CENPW: variants seen among roughly 807,000 people sequenced by gnomAD.
The protein encoded by CENPW is centromere protein W, also known as cancer-up-regulated gene 2 protein.
CENPW carries 3 observed loss-of-function variants against 11.1 expected under a neutral mutation model. The observed-to-expected ratio is 0.27, with a 90% CI of 0.12 to 0.70. The LOEUF is 0.70. Ranked by LOEUF, CENPW falls within the 30% of genes least tolerant of loss-of-function variation. The pLI is 0.77. For synonymous variants in CENPW, 38 were observed against 42.0 expected, an observed-to-expected ratio of 0.91 and a Z score of 0.37; for missense variants, 100 against 105.6, an observed-to-expected ratio of 0.95 and a Z score of 0.23.
chr6:126,430,350 T>A, the CENPW span, among the ~76,000 whole-genome samples: 4 of 152,232 alleles, frequency 2.6e-5, no homozygotes, highest in African/African-American at 4.8e-5. Flanking sequence ...AAAAGAATGA[T>A]TTGCCTTGAA....
At chr6:126,401,292 T>C in the CENPW span, among the ~76,000 whole-genome samples, 2 of 152,072 alleles carry the variant, frequency 1.3e-5, no homozygotes, top group Non-Finnish European at 2.9e-5. Context: ...CAGAGGGTTT[T>C]TCAATATCTG....
the CENPW span, among the ~76,000 whole-genome samples, chr6:126,385,458 A>C: frequency 3.3e-5 from 5 of 152,204 alleles, 1 homozygote; most frequent in East Asian, 3.9e-4. Flanking sequence ...TTTGAGAGAT[A>C]CTATTACTTT....
the CENPW span, among the ~76,000 whole-genome samples, chr6:126,358,904 A>G: frequency 6.6e-6 from 1 of 152,056 alleles, no homozygotes. Flanking sequence ...AAATTCTTCT[A>G]GATGTACAAT....
intron 1 of CENPW, among the ~76,000 whole-genome samples, chr6:126,342,675 A>T (rs1780336477): frequency 6.6e-6 from 1 of 152,108 alleles, no homozygotes; most frequent in Admixed American, 6.5e-5. Context: ...CTTAGAAAGG[A>T]TCAATCTTAT....
the CENPW span, among the ~76,000 whole-genome samples, chr6:126,448,712 A>G: frequency 6.6e-6 from 1 of 150,980 alleles, no homozygotes; most frequent in Non-Finnish European, 1.5e-5. Flanking sequence ...TGTCACTGGT[A>G]CTGTAATAGG....
the CENPW span, among the ~76,000 whole-genome samples, chr6:126,432,487 G>A: frequency 6.6e-6 from 1 of 151,940 alleles, no homozygotes; most frequent in African/African-American, 2.4e-5. Context: ...TTTTAAATTA[G>A]CTTTTTAATT....
the CENPW span, among the ~76,000 whole-genome samples, chr6:126,451,659 T>G: frequency 6.6e-6 from 1 of 151,096 alleles, no homozygotes; most frequent in Non-Finnish European, 1.5e-5. Context: ...AGTGGAGGCA[T>G]GACCTCCAAG....
chr6:126,370,392 A>G, the CENPW span, among the ~76,000 whole-genome samples: 1 of 152,172 alleles, frequency 6.6e-6, no homozygotes, highest in Non-Finnish European at 1.5e-5. Flanking sequence ...CTACCCATCC[A>G]TGAGCATGGA....
the CENPW span, among the ~76,000 whole-genome samples, chr6:126,441,624 G>A: frequency 4.0e-5 from 6 of 151,318 alleles, no homozygotes; most frequent in African/African-American, 1.5e-4. Flanking sequence ...TTTCCCCCAA[G>A]TTCCTAAAGT....
chr6:126,385,581 C>T, the CENPW span, among the ~76,000 whole-genome samples: 1 of 152,098 alleles, frequency 6.6e-6, no homozygotes, highest in Non-Finnish European at 1.5e-5. Flanking sequence ...ACCCAAATCT[C>T]ATCTTTAATT....
the CENPW span, among the ~76,000 whole-genome samples, chr6:126,357,649 C>T: frequency 2.0e-5 from 3 of 151,752 alleles, no homozygotes; most frequent in Non-Finnish European, 4.4e-5. Flanking sequence ...TGCTCTGTCG[C>T]CCAGCCTGTA....
chr6:126,345,844 A>C (rs1268853376), intron 1 of CENPW, among the ~76,000 whole-genome samples: 1 of 152,176 alleles, frequency 6.6e-6, no homozygotes, highest in African/African-American at 2.4e-5. Context: ...TTTGATTTAA[A>C]ATTTTCTGGA....
the CENPW span, among the ~76,000 whole-genome samples, chr6:126,412,522 G>A: frequency 6.6e-6 from 1 of 151,962 alleles, no homozygotes. Context: ...ATGTGCTTGG[G>A]TATGTATCAC....
the CENPW span, among the ~76,000 whole-genome samples, chr6:126,362,065 G>C: frequency 6.6e-6 from 1 of 152,146 alleles, no homozygotes; most frequent in Non-Finnish European, 1.5e-5. Flanking sequence ...ACACTTCTAT[G>C]GAGTGGGTCG....
the CENPW span, among the ~76,000 whole-genome samples, chr6:126,389,958 A>G: frequency 2.0e-5 from 3 of 151,880 alleles, no homozygotes; most frequent in African/African-American, 4.8e-5. Context: ...AAGTTATGAT[A>G]TATGTGTGCA....
the CENPW span, among the ~76,000 whole-genome samples, chr6:126,410,718 A>T: frequency 6.6e-6 from 1 of 151,732 alleles, no homozygotes; most frequent in African/African-American, 2.4e-5. Context: ...GAGTAATTTT[A>T]AACCTCTTAA....
the CENPW span, among the ~76,000 whole-genome samples, chr6:126,481,329 CA>C: frequency 6.6e-6 from 1 of 151,654 alleles, no homozygotes; most frequent in Non-Finnish European, 1.5e-5. Context: ...TTTTGATAGG[CA>C]TATTGTTTTA....
At chr6:126,431,090 T>C in the CENPW span, among the ~76,000 whole-genome samples, 1 of 152,178 alleles carries the variant, frequency 6.6e-6, no homozygotes, top group Non-Finnish European at 1.5e-5. Flanking sequence ...ATCATTACTC[T>C]GAGGACAGGA....
At chr6:126,366,462 G>A in the CENPW span, among the ~76,000 whole-genome samples, 1 of 152,054 alleles carries the variant, frequency 6.6e-6, no homozygotes. Flanking sequence ...AGTAATCTAT[G>A]TACATTTTTG....
Sources: gnomAD v4.1 joint callset for allele counts (sites outside exome capture counted in the v4.1 genomes callset) on GRCh38, gnomAD v4.1.1 for gene constraint, MANE v1.5 for transcripts, NCBI Gene and HGNC (gene_info 2026-07-23, HGNC 2026-07-21) for gene names.